The following HS3ST5 variants were observed in gnomAD, a reference collection of about 807,000 sequenced individuals.
The protein encoded by HS3ST5 is heparan sulfate-glucosamine 3-sulfotransferase 5.
A neutral mutation model predicts 25.4 loss-of-function variants in HS3ST5; 10 were observed. The ratio of observed to expected loss-of-function variants is 0.39; its 90% confidence interval spans 0.24 to 0.67. The LOEUF (loss-of-function observed/expected upper bound fraction) is 0.67, where lower values mean the gene tolerates loss of function less well. Among genes scored for constraint, HS3ST5 ranks in the 30% least tolerant of loss-of-function variants. The pLI, the probability that HS3ST5 is intolerant of heterozygous loss-of-function variation, is 0.44. For missense variants in HS3ST5, 324 were observed against 420.7 expected (o/e 0.77, Z 2.01); for synonymous variants, 170 against 162.4 (o/e 1.05, Z -0.36).
rs1562251830 is a variant in HS3ST5 at position 114,248,237 on chromosome 6, T to TAA, written c.-338-19461_-338-19460dup. Among the ~76,000 whole-genome samples, 7 of 147,658 alleles carry TAA rather than the reference T, an allele frequency of 4.7e-5. No homozygotes were observed. The East Asian group carries it at 5.9e-4, about 12-fold the overall frequency. On this transcript the variant is annotated intron_variant, in intron 1 of 4. Coordinates refer to ENST00000312719, the MANE Select transcript of HS3ST5 (RefSeq NM_153612.4). ...AAAAAAATATATATATATATATATA[T>TAA]AAAATATTCACTATGGGCTCCACTA...
In HS3ST5 at chr6:114,182,893, T is replaced by A. The variant is rs1780037006; in HGVS notation, c.-144-14431A>T. Among the ~76,000 whole-genome samples, 4 of 152,182 alleles carry A rather than the reference T, an allele frequency of 2.6e-5. No individual in the cohort carries two copies. The South Asian group carries it at 8.3e-4, about 32-fold the overall frequency. Reference sequence around the variant, plus strand: ...GTAAAACGGATGGCCCTACTCAGTGTGGGTTAACATTATCCAATTAGTTAA... The same window carrying A: ...GTAAAACGGATGGCCCTACTCAGTGAGGGTTAACATTATCCAATTAGTTAA... On this transcript the variant is annotated intron_variant, in intron 2 of 4. Transcript: ENST00000312719.
At chr6:114,076,855 A>G (rs1417813124) in intron 3 of HS3ST5, among the ~76,000 whole-genome samples, 1 of 152,214 alleles carries the variant, frequency 6.6e-6, no homozygotes, top group Non-Finnish European at 1.5e-5. Flanking sequence ...TAGTAGATTA[A>G]GCAGAAAGTG....
intron 3 of HS3ST5, among the ~76,000 whole-genome samples, chr6:114,135,443 G>A (rs758432506): frequency 1.3e-5 from 2 of 152,260 alleles, no homozygotes; most frequent in Non-Finnish European, 2.9e-5. Context: ...GGATGTGAAT[G>A]GCAAAAAGAA....
At chr6:114,196,399 T>A (rs1780758203) in intron 2 of HS3ST5, among the ~76,000 whole-genome samples, 2 of 152,292 alleles carry the variant, frequency 1.3e-5, no homozygotes, top group African/African-American at 4.8e-5. Context: ...CAAAAAGATC[T>A]TTCCATACCC....
intron 1 of HS3ST5, among the ~76,000 whole-genome samples, chr6:114,267,742 A>G (rs1446618001): frequency 6.6e-6 from 1 of 152,186 alleles, no homozygotes; most frequent in African/African-American, 2.4e-5. Context: ...AGAGTGGGCC[A>G]TGGCATCCAG....
At chr6:114,275,641 A>G (rs1582779386) in intron 1 of HS3ST5, among the ~76,000 whole-genome samples, 1 of 152,048 alleles carries the variant, frequency 6.6e-6, no homozygotes, top group South Asian at 2.1e-4. Context: ...GACCATTTGG[A>G]CTCTGCAGCA....
At chr6:114,147,257 G>A (rs139313413) in intron 3 of HS3ST5, among the ~76,000 whole-genome samples, 72 of 152,296 alleles carry the variant, frequency 4.7e-4, no homozygotes, top group African/African-American at 1.6e-3. Flanking sequence ...TTTGGGGTAC[G>A]AACTCAGATG....
At chr6:114,227,709 A>G (rs1248375173) in intron 2 of HS3ST5, among the ~76,000 whole-genome samples, 1 of 152,100 alleles carries the variant, frequency 6.6e-6, no homozygotes, top group African/African-American at 2.4e-5. Flanking sequence ...TTCAAAATGA[A>G]GAGAAAAAGA....
intron 3 of HS3ST5, among the ~76,000 whole-genome samples, chr6:114,088,065 G>T (rs1188052802): frequency 6.6e-6 from 1 of 152,142 alleles, no homozygotes; most frequent in African/African-American, 2.4e-5. Context: ...ATTTTATGTT[G>T]TGATGCCTAT....
intron 1 of HS3ST5, among the ~76,000 whole-genome samples, chr6:114,339,465 T>G (rs1049382389): frequency 6.6e-6 from 1 of 150,446 alleles, no homozygotes; most frequent in African/African-American, 2.5e-5. Context: ...CATTTATATA[T>G]AATTGCTTTT....
At chr6:114,156,417 C>A (rs1470632076) in intron 3 of HS3ST5, among the ~76,000 whole-genome samples, 2 of 152,142 alleles carry the variant, frequency 1.3e-5, no homozygotes, top group Admixed American at 6.5e-5. Context: ...CTGTTGTGAT[C>A]AAAACTGGTA....
intron 3 of HS3ST5, among the ~76,000 whole-genome samples, chr6:114,101,143 G>C (rs760440942): frequency 4.6e-5 from 7 of 152,056 alleles, no homozygotes; most frequent in Non-Finnish European, 8.8e-5. Context: ...GTAATATCTG[G>C]TTCATTGCTG....
At chr6:114,078,949 T>C (rs1774301513) in intron 3 of HS3ST5, among the ~76,000 whole-genome samples, 1 of 152,250 alleles carries the variant, frequency 6.6e-6, no homozygotes, top group Non-Finnish European at 1.5e-5. Context: ...AAGTTATGTT[T>C]ACACTATATT....
chr6:114,127,062 A>T (rs1486762955), intron 3 of HS3ST5, among the ~76,000 whole-genome samples: 1 of 152,138 alleles, frequency 6.6e-6, no homozygotes, highest in Non-Finnish European at 1.5e-5. Flanking sequence ...ATAAAATGAC[A>T]TCTTTTAGTC....
intron 1 of HS3ST5, among the ~76,000 whole-genome samples, chr6:114,286,587 A>G (rs1774349635): frequency 1.3e-5 from 2 of 152,062 alleles, no homozygotes; most frequent in Admixed American, 1.3e-4. Flanking sequence ...ATGTTGTACC[A>G]CAAAGAACCT....
At chr6:114,324,002 G>A (rs1776073987) in intron 1 of HS3ST5, among the ~76,000 whole-genome samples, 2 of 152,128 alleles carry the variant, frequency 1.3e-5, no homozygotes, top group Non-Finnish European at 2.9e-5. Context: ...TCCCCCTGCT[G>A]GGGGACACTG....
At chr6:114,162,822 C>T (rs755556200) in intron 3 of HS3ST5, among the ~76,000 whole-genome samples, 2 of 152,228 alleles carry the variant, frequency 1.3e-5, no homozygotes, top group Non-Finnish European at 2.9e-5. Context: ...AACCCATAGT[C>T]AGCACCTCCA....
At chr6:114,301,431 C>T (rs996551473) in intron 1 of HS3ST5, among the ~76,000 whole-genome samples, 5 of 152,150 alleles carry the variant, frequency 3.3e-5, no homozygotes, top group Non-Finnish European at 7.4e-5. Flanking sequence ...TGTCTTAGCT[C>T]ACCTGAGTCA....
At chr6:114,336,736 A>C (rs1213260120) in intron 1 of HS3ST5, among the ~76,000 whole-genome samples, 1 of 152,216 alleles carries the variant, frequency 6.6e-6, no homozygotes, top group Non-Finnish European at 1.5e-5. Context: ...CTGTCTGACT[A>C]TAGTACTTAC....
Sources: gnomAD v4.1 joint callset for allele counts (sites outside exome capture counted in the v4.1 genomes callset) on GRCh38, gnomAD v4.1.1 for gene constraint, MANE v1.5 for transcripts, NCBI Gene and HGNC (gene_info 2026-07-23, HGNC 2026-07-21) for gene names.